Variants in PCDH15 observed in about 807,000 individuals in gnomAD.
The protein encoded by PCDH15 is protocadherin-15.
In PCDH15, 129 loss-of-function variants were observed where a neutral mutation model predicts 178.5. The observed-to-expected ratio is 0.72, with a 90% CI of 0.63 to 0.84. PCDH15 has a LOEUF of 0.84. PCDH15 is among the 40% of genes least tolerant of loss of function. The probability of loss-of-function intolerance (pLI) is 0.00; values close to 1 mark genes in which losing one functional copy is unlikely to be tolerated. For synonymous variants in PCDH15, 800 were observed against 732.0 expected, an observed-to-expected ratio of 1.09 and a Z score of -1.50; for missense variants, 2,230 against 2,099.9, an observed-to-expected ratio of 1.06 and a Z score of -1.21.
At chr10:54,025,389 T>G (rs555775650) in intron 18 of PCDH15, among the ~76,000 whole-genome samples, 1 of 152,262 alleles carries the variant, frequency 6.6e-6, no homozygotes, top group African/African-American at 2.4e-5. Context: ...AGAATTCAGT[T>G]GCTAGAGTTT....
In PCDH15 at chr10:55,019,565, T is replaced by G. The variant is rs574069990; in HGVS notation, c.-79-122065A>C. On this transcript the variant is annotated intron_variant, in intron 2 of 5. Coordinates refer to the PCDH15 transcript ENST00000458638. ...TGCAAGTGCCATCTGGCCCTCTTCATGTTAACTGGGGCTAGGAGAATCACA... is the reference window on the plus strand; with the variant it reads ...TGCAAGTGCCATCTGGCCCTCTTCAGGTTAACTGGGGCTAGGAGAATCACA... Among the ~76,000 whole-genome samples the G allele has an allele frequency of 3.9e-5, 6 of 152,130 alleles. 1 individual carries two copies. In the South Asian group the frequency reaches 8.3e-4, roughly 21 times the overall value.
At chr10:54,622,364 G>C (rs80146214) in intron 2 of PCDH15, among the ~76,000 whole-genome samples, 355 of 150,656 alleles carry the variant, frequency 2.4e-3, no homozygotes, top group African/African-American at 8.2e-3. Context: ...CTGAGCGCTG[G>C]AAAGGACCTT....
intron 1 of PCDH15, among the ~76,000 whole-genome samples, chr10:55,299,069 CTG>C (rs1222471231): frequency 6.6e-6 from 1 of 152,186 alleles, no homozygotes; most frequent in African/African-American, 2.4e-5. Context: ...TATTACTTCA[CTG>C]TATATCTGAA....
At chr10:55,251,706 G>C (rs1456762670) in intron 1 of PCDH15, among the ~76,000 whole-genome samples, 1 of 152,104 alleles carries the variant, frequency 6.6e-6, no homozygotes, top group African/African-American at 2.4e-5. Context: ...AGGTCCAATT[G>C]TTGAATTGTT....
At chr10:53,882,518 C>A (rs536000757) in intron 26 of PCDH15, among the ~76,000 whole-genome samples, 3 of 152,144 alleles carry the variant, frequency 2.0e-5, no homozygotes, top group Admixed American at 2.0e-4. Flanking sequence ...CGCGCCACCA[C>A]GCATGGCTAA....
chr10:55,296,512 C>G (rs1224014404), intron 1 of PCDH15, among the ~76,000 whole-genome samples: 1 of 152,132 alleles, frequency 6.6e-6, no homozygotes, highest in Non-Finnish European at 1.5e-5. Context: ...TTTTGAAGCT[C>G]TTGTGTTAGG....
chr10:54,210,540 C>G (rs925466675), intron 10 of PCDH15, among the ~76,000 whole-genome samples: 1 of 152,044 alleles, frequency 6.6e-6, no homozygotes, highest in African/African-American at 2.4e-5. Flanking sequence ...AGCTTCCTAA[C>G]AGTGGCTATG....
intron 1 of PCDH15, among the ~76,000 whole-genome samples, chr10:54,715,057 T>C (rs1216602090): frequency 2.0e-5 from 3 of 152,054 alleles, no homozygotes. Context: ...TTGAGATTGC[T>C]GATACTCATT....
intron 3 of PCDH15, among the ~76,000 whole-genome samples, chr10:54,825,786 T>C (rs565538393): frequency 6.6e-6 from 1 of 152,238 alleles, no homozygotes; most frequent in South Asian, 2.1e-4. Flanking sequence ...CTAAACACAG[T>C]CATCTTGACT....
chr10:54,209,492 C>T (rs17611502), intron 10 of PCDH15, among the ~76,000 whole-genome samples: 5 of 151,888 alleles, frequency 3.3e-5, no homozygotes, highest in Non-Finnish European at 5.9e-5. Context: ...AGAGAAGAGA[C>T]CTTTGAGGAA....
At chr10:53,903,503 C>T in intron 25 of PCDH15, 133 bp from the exon 26 acceptor site, 2 of 923,246 alleles carry the variant, frequency 2.2e-6, no homozygotes, top group Non-Finnish European at 3.4e-6. Flanking sequence ...AGATGCCATG[C>T]CTAGCACCCC....
At chr10:54,735,873 G>GGGGGA (rs1566080333) in intron 1 of PCDH15, among the ~76,000 whole-genome samples, 2 of 116,714 alleles carry the variant, frequency 1.7e-5, no homozygotes. Flanking sequence ...TTGTGGGGTG[G>GGGGGA]GGGGAGGGGG....
At chr10:55,349,707 G>A (rs1349658018) in intron 2 of PCDH15, among the ~76,000 whole-genome samples, 1 of 151,964 alleles carries the variant, frequency 6.6e-6, no homozygotes, top group Non-Finnish European at 1.5e-5. Context: ...GAATCTTAAA[G>A]CAAAATATTT....
chr10:55,580,133 A>G (rs1025386561), intron 2 of PCDH15, among the ~76,000 whole-genome samples: 7 of 152,192 alleles, frequency 4.6e-5, no homozygotes, highest in African/African-American at 1.7e-4. Context: ...CTGGGATTAC[A>G]GGCGTGAGCC....
In PCDH15 at chr10:55,067,563, T is replaced by C. The variant is rs548021496; in HGVS notation, c.-80+99013A>G. 1.2e-3 allele frequency among the ~76,000 whole-genome samples: 179 copies of C among 152,134 alleles called. No individual in the cohort carries two copies. In the South Asian group the frequency reaches 0.013, roughly 11 times the overall value. ...TATGTGAGTGCAGGTTTCTCTTTGG[T>C]ATATTGATTTATTTTTCTTTGAATA... On this transcript the variant is annotated intron_variant, in intron 2 of 5. Coordinates refer to the PCDH15 transcript ENST00000458638.
intron 1 of PCDH15, among the ~76,000 whole-genome samples, chr10:55,218,721 T>C (rs1423453645): frequency 6.6e-6 from 1 of 151,974 alleles, no homozygotes; most frequent in Non-Finnish European, 1.5e-5. Context: ...GACTGTAAGG[T>C]GTGGAAAACT....
intron 3 of PCDH15, among the ~76,000 whole-genome samples, chr10:54,812,904 T>G (rs1952888950): frequency 6.6e-6 from 1 of 152,182 alleles, no homozygotes; most frequent in South Asian, 2.1e-4. Context: ...ATATCAAACT[T>G]CTTCCAAGAA....
intron 1 of PCDH15, among the ~76,000 whole-genome samples, chr10:55,316,015 A>AAAAAC (rs1317697940): frequency 8.5e-5 from 13 of 152,174 alleles, no homozygotes; most frequent in Non-Finnish European, 1.0e-4. Context: ...GGCTCCTTCT[A>AAAAAC]AAAACAAAAC....
At chr10:54,014,877 C>A (rs1181518550) in intron 20 of PCDH15, among the ~76,000 whole-genome samples, 3 of 152,038 alleles carry the variant, frequency 2.0e-5, no homozygotes, top group African/African-American at 4.8e-5. Context: ...TCTCTTATTG[C>A]CACTCATCAT....
Sources: gnomAD v4.1 joint callset for allele counts (sites outside exome capture counted in the v4.1 genomes callset) on GRCh38, gnomAD v4.1.1 for gene constraint, MANE v1.5 for transcripts, NCBI Gene and HGNC (gene_info 2026-07-23, HGNC 2026-07-21) for gene names.